The following NHS variants were observed in gnomAD, a reference collection of about 807,000 sequenced individuals.
The protein encoded by NHS is actin remodeling regulator NHS.
NHS carries 5 observed loss-of-function variants against 72.5 expected under a neutral mutation model. That is an observed-to-expected ratio of 0.07 (90% confidence interval 0.04 to 0.14). The LOEUF (loss-of-function observed/expected upper bound fraction) is 0.14, where lower values mean the gene tolerates loss of function less well. NHS is among the 10% of genes least tolerant of loss of function. The probability of loss-of-function intolerance (pLI) is 1.00; values close to 1 mark genes in which losing one functional copy is unlikely to be tolerated. For missense variants in NHS, 1,072 were observed against 1,355.7 expected (o/e 0.79, Z 3.29); for synonymous variants, 464 against 547.7 (o/e 0.85, Z 2.13).
chrX:17,570,732 A>T (rs1219034896), intron 1 of NHS, among the ~76,000 whole-genome samples: 1 of 111,683 alleles, frequency 9.0e-6, no homozygotes, highest in Non-Finnish European at 1.9e-5. Flanking sequence ...GAGAGAGGGC[A>T]TCCTTGTCTT....
chrX:17,673,891 G>A (rs944757768), intron 1 of NHS, among the ~76,000 whole-genome samples: 1 of 112,143 alleles, frequency 8.9e-6, no homozygotes, highest in South Asian at 3.7e-4. Flanking sequence ...CTACTTCAAT[G>A]TTACCTCTTC....
At chrX:17,579,758 C>T (rs2065533167) in intron 1 of NHS, among the ~76,000 whole-genome samples, 1 of 111,478 alleles carries the variant, frequency 9.0e-6, no homozygotes, top group South Asian at 3.8e-4. Context: ...CCTAGTTTCT[C>T]ACCTCAAGAA....
chrX:17,570,521 T>G (rs1368709654), intron 1 of NHS, among the ~76,000 whole-genome samples: 2 of 112,079 alleles, frequency 1.8e-5, no homozygotes, highest in African/African-American at 6.5e-5. Context: ...ATTGATTTTG[T>G]ATCCTGAGAC....
intron 1 of NHS, among the ~76,000 whole-genome samples, chrX:17,570,318 C>T (rs1333580821): frequency 8.9e-6 from 1 of 112,001 alleles, no homozygotes; most frequent in Non-Finnish European, 1.9e-5. Flanking sequence ...AATGTTTTTC[C>T]ATTGTTTGTG....
intron 4 of NHS, among the ~76,000 whole-genome samples, chrX:17,720,803 T>C (rs1490284636): frequency 4.4e-5 from 5 of 112,730 alleles, no homozygotes; most frequent in Non-Finnish European, 1.9e-5. Context: ...AGTAACAGCA[T>C]GTGTATTTTC....
intron 1 of NHS, among the ~76,000 whole-genome samples, chrX:17,484,860 G>T (rs969925529): frequency 3.6e-5 from 4 of 110,575 alleles, no homozygotes; most frequent in Non-Finnish European, 5.7e-5. Flanking sequence ...GCCCTGGGAG[G>T]TGCAGCTCCT....
intron 1 of NHS, among the ~76,000 whole-genome samples, chrX:17,590,386 G>T (rs910519918): frequency 3.6e-5 from 4 of 111,996 alleles, no homozygotes; most frequent in African/African-American, 1.3e-4. Context: ...ATCAACAACA[G>T]ACAATTTATT....
At chrX:17,594,931 T>C (rs1202832882) in intron 1 of NHS, among the ~76,000 whole-genome samples, 1 of 112,366 alleles carries the variant, frequency 8.9e-6, no homozygotes, top group Non-Finnish European at 1.9e-5. Flanking sequence ...GGGCTGCCTC[T>C]GGGAGAGGAG....
At chrX:17,415,504 C>T (rs2064588912) in intron 1 of NHS, among the ~76,000 whole-genome samples, 1 of 111,267 alleles carries the variant, frequency 9.0e-6, no homozygotes, top group African/African-American at 3.3e-5. Context: ...AGCATAATTG[C>T]TCGGCAGGGG....
intron 1 of NHS, among the ~76,000 whole-genome samples, chrX:17,651,184 C>A (rs1454855361): frequency 8.9e-6 from 1 of 111,990 alleles, no homozygotes; most frequent in African/African-American, 3.3e-5. Context: ...AGATGTTTCC[C>A]AGCCATGGGT....
rs189778193 is a variant in NHS, at chrX:17,445,457, C to A, written c.565+69135C>A. On this transcript the variant is annotated intron_variant, in intron 1 of 8. Transcript: ENST00000676302. ...TGATTTTTTGTGTGTCTGGCTTTTTCCATTCAGTGTTATGTTTTTGAGATT... is the reference window on the plus strand; with the variant it reads ...TGATTTTTTGTGTGTCTGGCTTTTTACATTCAGTGTTATGTTTTTGAGATT... Among the ~76,000 whole-genome samples, 7 of 110,605 alleles carry A rather than the reference C, an allele frequency of 6.3e-5. No individual in the cohort carries two copies. The East Asian group carries it at 1.7e-3, about 27-fold the overall frequency.
intron 1 of NHS, among the ~76,000 whole-genome samples, chrX:17,561,532 T>C (rs1379372135): frequency 9.5e-6 from 1 of 105,382 alleles, no homozygotes; most frequent in Non-Finnish European, 1.9e-5. Flanking sequence ...AGAGTTACTT[T>C]GAGTTCTTCA....
chrX:17,491,130 C>T (rs927820985), intron 1 of NHS, among the ~76,000 whole-genome samples: 1 of 111,477 alleles, frequency 9.0e-6, no homozygotes, highest in Non-Finnish European at 1.9e-5. Flanking sequence ...TTTCTTGTGC[C>T]TGATTGCCCT....
intron 1 of NHS, among the ~76,000 whole-genome samples, chrX:17,395,423 A>G (rs2064469595): frequency 8.9e-6 from 1 of 112,220 alleles, no homozygotes; most frequent in Non-Finnish European, 1.9e-5. Context: ...ATTGTCTAAA[A>G]TAAGTCATTC....
chrX:17,389,405 C>G (rs1216880408), intron 1 of NHS, among the ~76,000 whole-genome samples: 1 of 110,918 alleles, frequency 9.0e-6, no homozygotes, highest in African/African-American at 3.3e-5. Flanking sequence ...ATTAGTGATT[C>G]CATTTATAAG....
At chrX:17,475,255 G>A (rs2064911423) in intron 1 of NHS, among the ~76,000 whole-genome samples, 1 of 112,582 alleles carries the variant, frequency 8.9e-6, no homozygotes, top group African/African-American at 3.2e-5. Context: ...TCCCAGAGCA[G>A]ACACGCTGCC....
At chrX:17,723,743 G>GTGTGTGTGTGTGTGTGTA (rs1569318250) in intron 5 of NHS, among the ~76,000 whole-genome samples, 3 of 92,585 alleles carry the variant, frequency 3.2e-5, no homozygotes, top group African/African-American at 1.5e-4. Context: ...GTGTGTGTGT[G>GTGTGTGTGTGTGTGTGTA]TGTGTGTGTG....
At chrX:17,712,274 TATATATATATATATATACAC>T (rs1349690563) in intron 3 of NHS, among the ~76,000 whole-genome samples, 179 of 80,608 alleles carry the variant, frequency 2.2e-3, no homozygotes, top group African/African-American at 7.5e-3. Flanking sequence ...TATATATATA[TATATATATATATATATACAC>T]ACACACACAC....
At chrX:17,538,875 A>G (rs2065247810) in intron 1 of NHS, among the ~76,000 whole-genome samples, 1 of 111,868 alleles carries the variant, frequency 8.9e-6, no homozygotes, top group Non-Finnish European at 1.9e-5. Context: ...GGTTGGATGT[A>G]CAGTGACTCT....
Sources: gnomAD v4.1 joint callset for allele counts (sites outside exome capture counted in the v4.1 genomes callset) on GRCh38, gnomAD v4.1.1 for gene constraint, MANE v1.5 for transcripts, NCBI Gene and HGNC (gene_info 2026-07-23, HGNC 2026-07-21) for gene names.